Variants in ATL1 observed in about 807,000 individuals in gnomAD.
ATL1 encodes atlastin GTPase 1, also known as atlastin-1.
ATL1 carries 31 observed loss-of-function variants against 75.5 expected under a neutral mutation model. The ratio of observed to expected loss-of-function variants is 0.41; its 90% confidence interval spans 0.31 to 0.55. The LOEUF is 0.55. Among genes scored for constraint, ATL1 ranks in the 20% least tolerant of loss-of-function variants. The pLI is 0.27. For missense variants in ATL1, 405 were observed against 662.6 expected (o/e 0.61, Z 4.27); for synonymous variants, 226 against 233.3 (o/e 0.97, Z 0.28).
intron 6 of ATL1, among the ~76,000 whole-genome samples, chr14:50,610,046 C>A (rs1233003891): frequency 6.6e-6 from 1 of 151,868 alleles, no homozygotes; most frequent in Non-Finnish European, 1.5e-5. Context: ...AAGCTTCAGG[C>A]CCCATAAAAC....
In ATL1 at chr14:50,629,875, G is replaced by C. The variant is rs2039562225; in HGVS notation, c.1552-120G>C. ...ATATGTAATCTAAACTGAAAAATCTGCAGGAGTATCTGTTCTGAAATGCTC... is the reference window on the plus strand; with the variant it reads ...ATATGTAATCTAAACTGAAAAATCTCCAGGAGTATCTGTTCTGAAATGCTC... On this transcript the variant is annotated intron_variant, in intron 12 of 13. Transcript: ENST00000358385. 4 of 550,918 alleles carry C rather than the reference G, an allele frequency of 7.3e-6. No individual in the cohort carries two copies. The South Asian group carries it at 1.2e-4, about 17-fold the overall frequency. The allele number at this position is 550,918 out of a possible 1,614,324, so 34.1% of individuals were successfully genotyped here.
intron 1 of ATL1, among the ~76,000 whole-genome samples, chr14:50,584,441 C>T (rs1471561512): frequency 6.6e-5 from 10 of 151,722 alleles, no homozygotes; most frequent in South Asian, 2.1e-4. Flanking sequence ...CGGTGGCTCA[C>T]GCCTGTAATC....
intron 1 of ATL1, among the ~76,000 whole-genome samples, chr14:50,573,473 C>G (rs911184777): frequency 6.6e-6 from 1 of 152,148 alleles, no homozygotes; most frequent in Non-Finnish European, 1.5e-5. Context: ...TGGCTACTGG[C>G]TACAATACTG....
Position 50,621,831 on chromosome 14 carries a change from C to G in ATL1, c.991-12C>G, listed in dbSNP as rs371714758. Reference sequence around the variant, plus strand: ...GAATTGCTTGAACATGAATCTTTTTCTTTTTTTTTAGGCTTATATAAAGAT... The same window carrying G: ...GAATTGCTTGAACATGAATCTTTTTGTTTTTTTTTAGGCTTATATAAAGAT... On this transcript the variant is annotated splice_polypyrimidine_tract_variant and intron_variant, in intron 9 of 13. Coordinates refer to ENST00000358385, the MANE Select transcript of ATL1 (RefSeq NM_015915.5). 12 of 1,509,486 alleles carry G rather than the reference C, an allele frequency of 7.9e-6. No homozygotes were observed. Among genetic ancestry groups the G allele is most frequent in the Middle Eastern group, 1.8e-4 (1 of 5,574 alleles). The allele number at this position is 1,509,486 out of a possible 1,614,324, so 93.5% of individuals were successfully genotyped here. A position where few individuals can be genotyped will look rare whatever the true frequency, so the allele number is the denominator to read the frequency against.
chr14:50,541,814 A>G (rs2038564417), intron 1 of ATL1, among the ~76,000 whole-genome samples: 1 of 151,692 alleles, frequency 6.6e-6, no homozygotes, highest in Non-Finnish European at 1.5e-5. Context: ...AGGTCAGGAG[A>G]TTGAGATCAC....
chr14:50,614,973 G>T (rs1242963235), intron 8 of ATL1, among the ~76,000 whole-genome samples: 1 of 152,164 alleles, frequency 6.6e-6, no homozygotes, highest in African/African-American at 2.4e-5. Context: ...ATGAAATCTT[G>T]TGTGGAAGAA....
chr14:50,626,598 A>C (rs570742515), intron 11 of ATL1, among the ~76,000 whole-genome samples: 9 of 152,358 alleles, frequency 5.9e-5, no homozygotes, highest in Non-Finnish European at 8.8e-5. Context: ...ACAGTGTTGA[A>C]ATGACAACAA....
chr14:50,551,562 G>A (rs1269291598), intron 1 of ATL1, among the ~76,000 whole-genome samples: 3 of 151,896 alleles, frequency 2.0e-5, no homozygotes, highest in Non-Finnish European at 4.4e-5. Context: ...ACCAGGAAAG[G>A]CCATAACAAA....
chr14:50,548,960 G>C (rs551203496), intron 1 of ATL1, among the ~76,000 whole-genome samples: 1 of 152,148 alleles, frequency 6.6e-6, no homozygotes, highest in Non-Finnish European at 1.5e-5. Context: ...AAAGGTGGGT[G>C]GAAGGCTTTC....
At chr14:50,628,723 T>C in intron 12 of ATL1, 3 of 528,142 alleles carry the variant, frequency 5.7e-6, no homozygotes, top group South Asian at 5.3e-5. Context: ...CTTTTTTTTC[T>C]TTTTTTGGGT....
chr14:50,567,441 C>T (rs1227603539), intron 1 of ATL1, among the ~76,000 whole-genome samples: 2 of 152,068 alleles, frequency 1.3e-5, no homozygotes, highest in East Asian at 3.8e-4. Flanking sequence ...ACAAGTATCC[C>T]TTTGAGACCC....
chr14:50,606,771 A>G (rs2039320533), intron 6 of ATL1, among the ~76,000 whole-genome samples: 1 of 151,992 alleles, frequency 6.6e-6, no homozygotes, highest in Admixed American at 6.6e-5. Context: ...AATTCAAGAC[A>G]AAACAAAAAC....
intron 1 of ATL1, among the ~76,000 whole-genome samples, chr14:50,544,810 C>T (rs1565834): frequency 0.2 from 30,902 of 151,430 alleles, 3,910 homozygotes; most frequent in Non-Finnish European, 0.28. Context: ...GGTGGCATGA[C>T]GCTATAAATG....
At chr14:50,560,387 G>A in intron 1 of ATL1, 88 bp downstream of exon 1, 1 of 1,511,580 alleles carries the variant, frequency 6.6e-7, no homozygotes, top group Non-Finnish European at 9.0e-7. Flanking sequence ...AGGGCCAAGG[G>A]CTGCTAGGTG....
intron 1 of ATL1, among the ~76,000 whole-genome samples, chr14:50,554,066 CA>C (rs1046348590): frequency 4.0e-5 from 6 of 149,870 alleles, no homozygotes; most frequent in Non-Finnish European, 7.4e-5. Flanking sequence ...ATTAATGTAA[CA>C]AAAAAAATCT....
At chr14:50,560,460 A>G in intron 1 of ATL1, 161 bp downstream of exon 1, 1 of 975,346 alleles carries the variant, frequency 1.0e-6, no homozygotes, top group East Asian at 2.7e-5. Flanking sequence ...CGGAGGAACC[A>G]TGGCCGAGCG....
intron 1 of ATL1, among the ~76,000 whole-genome samples, chr14:50,553,775 A>G (rs1367546379): frequency 1.3e-5 from 2 of 152,248 alleles, no homozygotes; most frequent in African/African-American, 2.4e-5. Context: ...TCAGCCATAA[A>G]ACAGAACAAA....
chr14:50,581,329 A>G (rs2039053025), intron 1 of ATL1, among the ~76,000 whole-genome samples: 1 of 151,926 alleles, frequency 6.6e-6, no homozygotes, highest in Admixed American at 6.5e-5. Context: ...CAATATAAAT[A>G]AGATACTACG....
chr14:50,556,623 T>C (rs1275994654), upstream of ATL1, among the ~76,000 whole-genome samples: 1 of 152,192 alleles, frequency 6.6e-6, no homozygotes, highest in African/African-American at 2.4e-5. Context: ...TCATTAGCAG[T>C]CACTCTCCAA....
Sources: gnomAD v4.1 joint callset for allele counts (sites outside exome capture counted in the v4.1 genomes callset) on GRCh38, gnomAD v4.1.1 for gene constraint, MANE v1.5 for transcripts, NCBI Gene and HGNC (gene_info 2026-07-23, HGNC 2026-07-21) for gene names.